The following DOCK3 variants were observed in gnomAD, a reference collection of about 807,000 sequenced individuals.
DOCK3 encodes dedicator of cytokinesis protein 3.
In DOCK3, 60 loss-of-function variants were observed where a neutral mutation model predicts 265.6. That is an observed-to-expected ratio of 0.23 (90% CI 0.18 to 0.28). DOCK3 has a LOEUF of 0.28. Among genes scored for constraint, DOCK3 ranks in the 10% least tolerant of loss-of-function variants. The pLI is 1.00. For synonymous variants in DOCK3, 881 were observed against 938.0 expected (o/e 0.94, Z 1.11); for missense variants, 1,981 against 2,594.3 (o/e 0.76, Z 5.14).
chr3:51,191,681 A>G (rs1330031612), intron 12 of DOCK3, among the ~76,000 whole-genome samples: 1 of 151,982 alleles, frequency 6.6e-6, no homozygotes, highest in African/African-American at 2.4e-5. Flanking sequence ...TTTCCTGTTC[A>G]GTTCTTGTGT....
At chr3:51,082,780 A>T (rs1430187431) in intron 7 of DOCK3, among the ~76,000 whole-genome samples, 1 of 152,166 alleles carries the variant, frequency 6.6e-6, no homozygotes, top group African/African-American at 2.4e-5. Context: ...TCCTGCCACC[A>T]GCACCTGTGT....
At chr3:51,188,787 C>T (rs1003847096) in intron 12 of DOCK3, among the ~76,000 whole-genome samples, 18 of 149,070 alleles carry the variant, frequency 1.2e-4, no homozygotes, top group African/African-American at 3.5e-4. Context: ...TATTTTGTGT[C>T]GGGGGATGTG....
chr3:51,381,301 G>A lies in DOCK3; in HGVS notation c.5835G>A (p.Leu1945=). 2 of 1,613,628 alleles carry A rather than the reference G, an allele frequency of 1.2e-6. No homozygotes were observed. Among genetic ancestry groups the A allele is most frequent in the South Asian group, 1.1e-5 (1 of 91,082 alleles). The change falls in exon 53 of 53, where the codon CTG becomes CTA. Residue 1945 remains leucine, a synonymous_variant. Transcript: ENST00000266037. The surrounding 1 kb of genome is among the most constrained non-coding windows in gnomAD (Gnocchi z 5.6). ...ACAGCCTCTCTGAGTCTGCCGTCCT[G>A]GACTCCATCAAGGCCCAGCCATGCC... ...VHYSLSESAV[L]DSIKAQPCRS...
At chr3:51,185,490 A>G (rs540658610) in intron 12 of DOCK3, among the ~76,000 whole-genome samples, 2 of 152,340 alleles carry the variant, frequency 1.3e-5, no homozygotes, top group East Asian at 3.9e-4. Context: ...TGTAAAGATC[A>G]AACAAAATGT....
intron 4 of DOCK3, among the ~76,000 whole-genome samples, chr3:50,920,027 G>A (rs928931592): frequency 6.6e-6 from 1 of 152,058 alleles, no homozygotes; most frequent in African/African-American, 2.4e-5. Context: ...TTTGTCTTTG[G>A]TTCTGTTTAT....
At chr3:50,749,262 A>G (rs1248314687) in intron 1 of DOCK3, among the ~76,000 whole-genome samples, 4 of 152,198 alleles carry the variant, frequency 2.6e-5, no homozygotes, top group African/African-American at 9.7e-5. Context: ...AGCATTTAAT[A>G]TTTACATAGC....
At chr3:50,693,480 A>G (rs1017450241) in intron 1 of DOCK3, among the ~76,000 whole-genome samples, 2 of 148,960 alleles carry the variant, frequency 1.3e-5, no homozygotes, top group East Asian at 2.0e-4. Flanking sequence ...TGATGCTAGT[A>G]TAAGTGGAAT....
chr3:51,195,367 C>T (rs1483880352), intron 12 of DOCK3, among the ~76,000 whole-genome samples: 1 of 151,938 alleles, frequency 6.6e-6, no homozygotes. Flanking sequence ...AGTTCTTTCT[C>T]TGTGTGATTA....
chr3:50,770,708 A>G (rs1210370199), intron 1 of DOCK3, among the ~76,000 whole-genome samples: 3 of 152,180 alleles, frequency 2.0e-5, no homozygotes, highest in Non-Finnish European at 4.4e-5. Context: ...ATATAGACGC[A>G]TAGACCAATG....
intron 49 of DOCK3, among the ~76,000 whole-genome samples, chr3:51,364,087 GT>G (rs1664109770): frequency 6.6e-6 from 1 of 152,232 alleles, no homozygotes; most frequent in Non-Finnish European, 1.5e-5. Flanking sequence ...GGTTGAACTA[GT>G]TTACAGTCCC....
chr3:51,062,870 C>T (rs780530463), intron 5 of DOCK3, among the ~76,000 whole-genome samples: 49 of 152,168 alleles, frequency 3.2e-4, no homozygotes, highest in Non-Finnish European at 5.4e-4. Context: ...ATGGCTTAAT[C>T]GTCAAGATTC....
At chr3:51,155,751 C>A (rs576491863) in intron 10 of DOCK3, among the ~76,000 whole-genome samples, 2 of 152,102 alleles carry the variant, frequency 1.3e-5, no homozygotes. Flanking sequence ...TTTATACTTA[C>A]GTGGACGGCC....
intron 27 of DOCK3, among the ~76,000 whole-genome samples, chr3:51,295,674 C>G (rs1207373752): frequency 1.3e-5 from 2 of 151,544 alleles, no homozygotes. Context: ...TACTTCATAA[C>G]AAAAGATTAA....
At chr3:50,685,314 C>T (rs1307733309) in intron 1 of DOCK3, among the ~76,000 whole-genome samples, 1 of 152,148 alleles carries the variant, frequency 6.6e-6, no homozygotes, top group Admixed American at 6.5e-5. Flanking sequence ...GCATTATTTC[C>T]TCCACAGACT....
chr3:51,079,292 A>G (rs1249026628), intron 7 of DOCK3, among the ~76,000 whole-genome samples: 1 of 152,052 alleles, frequency 6.6e-6, no homozygotes, highest in Admixed American at 6.6e-5. Context: ...GTCTCTTTAA[A>G]TACACAGTTG....
chr3:50,784,511 A>G (rs1425036192), intron 2 of DOCK3, among the ~76,000 whole-genome samples: 2 of 152,112 alleles, frequency 1.3e-5, no homozygotes, highest in Non-Finnish European at 2.9e-5. Context: ...TTGGTTCCAT[A>G]TGAATTGTAG....
intron 12 of DOCK3, among the ~76,000 whole-genome samples, chr3:51,168,909 A>G (rs963499016): frequency 1.3e-5 from 2 of 152,204 alleles, no homozygotes; most frequent in Non-Finnish European, 2.9e-5. Context: ...AAGGAATGCC[A>G]TTAAAAACTG....
At chr3:50,828,047 G>T (rs2044876267) in intron 2 of DOCK3, among the ~76,000 whole-genome samples, 1 of 151,646 alleles carries the variant, frequency 6.6e-6, no homozygotes, top group Non-Finnish European at 1.5e-5. Flanking sequence ...CATGGCCTCA[G>T]CTTCCTGAAT....
chr3:51,179,689 T>G (rs777425650), intron 12 of DOCK3, among the ~76,000 whole-genome samples: 5 of 151,978 alleles, frequency 3.3e-5, no homozygotes, highest in Non-Finnish European at 5.9e-5. Context: ...GGCAGGAGGA[T>G]TACTTGAGTC....
Sources: allele counts gnomAD v4.1 joint callset (sites outside exome capture counted in the v4.1 genomes callset), GRCh38; gene constraint gnomAD v4.1.1; non-coding constraint Gnocchi (gnomAD v3.1); transcripts MANE v1.5; gene names NCBI Gene and HGNC (gene_info 2026-07-23, HGNC 2026-07-21).